Variants in DNAH5 observed in about 807,000 individuals in gnomAD.
DNAH5 encodes the protein axonemal beta dynein heavy chain 5.
DNAH5 carries 372 observed loss-of-function variants against 518.2 expected under a neutral mutation model. That is an observed-to-expected ratio of 0.72 (90% CI 0.66 to 0.78). DNAH5 has a LOEUF of 0.78. Ranked by LOEUF, DNAH5 falls within the 30% of genes least tolerant of loss-of-function variation. The probability of loss-of-function intolerance (pLI) is 0.00; values close to 1 mark genes in which losing one functional copy is unlikely to be tolerated. For missense variants in DNAH5, 5,523 were observed against 5,687.0 expected, an observed-to-expected ratio of 0.97 and a Z score of 0.93; for synonymous variants, 2,039 against 2,025.9, an observed-to-expected ratio of 1.01 and a Z score of -0.17.
intron 12 of DNAH5, among the ~76,000 whole-genome samples, chr5:13,907,122 C>A (rs767292247): frequency 3.3e-5 from 5 of 152,176 alleles, no homozygotes; most frequent in Non-Finnish European, 5.9e-5. Flanking sequence ...CCGAGAGCAT[C>A]TGTCAAATTA....
intron 30 of DNAH5, among the ~76,000 whole-genome samples, chr5:13,853,176 A>G (rs1164411496): frequency 6.6e-6 from 1 of 152,218 alleles, no homozygotes; most frequent in Non-Finnish European, 1.5e-5. Context: ...AGGAAGGAGC[A>G]GGCAGCAATC....
At chr5:13,781,371 G>A (rs1910092) in intron 52 of DNAH5, among the ~76,000 whole-genome samples, 24,385 of 152,108 alleles carry the variant, frequency 0.16, 2,574 homozygotes, top group African/African-American at 0.3. Context: ...GGGCATCGTC[G>A]TTGATGAGAA....
At chr5:13,809,305 A>G (rs1378555262) in intron 45 of DNAH5, 119 bp from the exon 46 acceptor site, 2 of 1,239,408 alleles carry the variant, frequency 1.6e-6, no homozygotes, top group Admixed American at 3.5e-5. Context: ...TAAAATGAAG[A>G]TCATTAAAAT....
At chr5:13,861,103 TA>T (rs1161141643) in intron 29 of DNAH5, among the ~76,000 whole-genome samples, 1 of 152,160 alleles carries the variant, frequency 6.6e-6, no homozygotes, top group African/African-American at 2.4e-5. Context: ...CTCCTCCCAA[TA>T]ACTCTATCTG....
rs576902470 is a variant in DNAH5 at position 13,784,709 on chromosome 5, C to T, written c.8820+1470G>A. On this transcript the variant is annotated intron_variant, in intron 52 of 78. Transcript: ENST00000265104. ...GAACCTAAATCATGGAAGACAGTGT[C>T]GAATCATTTTCTTTCTAACTAAAAG... 6.6e-5 allele frequency among the ~76,000 whole-genome samples: 10 copies of T among 152,194 alleles called. No homozygotes were observed. In the South Asian group the frequency reaches 1.5e-3, roughly 22 times the overall value.
chr5:13,854,484 GCAT>G (rs1252805799), intron 30 of DNAH5, among the ~76,000 whole-genome samples: 1 of 152,230 alleles, frequency 6.6e-6, no homozygotes, highest in East Asian at 1.9e-4. Context: ...TAACCAGCTA[GCAT>G]CATAATGACA....
At chr5:13,863,668 T>C (rs971060464) in intron 28 of DNAH5, among the ~76,000 whole-genome samples, 4 of 152,196 alleles carry the variant, frequency 2.6e-5, no homozygotes, top group Non-Finnish European at 4.4e-5. Flanking sequence ...GAGCTACTCT[T>C]AGAAACTCTC....
chr5:13,710,050 C>T (rs1033266341), intron 75 of DNAH5, among the ~76,000 whole-genome samples: 4 of 152,082 alleles, frequency 2.6e-5, no homozygotes, highest in East Asian at 1.9e-4. Context: ...AGAACCCTCA[C>T]GGAGTCCATT....
At chr5:13,902,255 C>T (rs1434681737) in intron 12 of DNAH5, 117 bp from the exon 13 acceptor site, 14 of 737,142 alleles carry the variant, frequency 1.9e-5, no homozygotes, top group Admixed American at 8.0e-5. Flanking sequence ...AAAATGTAAC[C>T]GAAAATTGAA....
intron 9 of DNAH5, among the ~76,000 whole-genome samples, chr5:13,915,920 A>C (rs527779968): frequency 6.6e-6 from 1 of 152,226 alleles, no homozygotes; most frequent in African/African-American, 2.4e-5. Context: ...TATTACCATG[A>C]TTACTGTTCT....
chr5:13,700,514 A>C, intron 78 of DNAH5, 126 bp downstream of exon 78: 1 of 904,878 alleles, frequency 1.1e-6, no homozygotes, highest in East Asian at 2.5e-5. Flanking sequence ...ATGGGTGTGA[A>C]TGTAAAGCTA....
intron 47 of DNAH5, 80 bp downstream of exon 47, chr5:13,807,511 T>A (rs1759805415): frequency 7.3e-7 from 1 of 1,371,198 alleles, no homozygotes; most frequent in East Asian, 2.4e-5. Context: ...GAGATTCAAT[T>A]GAAGCAGAAT....
rs144710424 is a variant in DNAH5 at position 14,000,328 on chromosome 5, G to A, written c.12+11320C>T. ...CCGCCAGGAGCTGGGAGCAAGGCCCGGAAAAAGCCTTCGGAGTGAGCACGG... is the reference window on the plus strand; with the variant it reads ...CCGCCAGGAGCTGGGAGCAAGGCCCAGAAAAAGCCTTCGGAGTGAGCACGG... On this transcript the variant is annotated intron_variant, in intron 1 of 78. Transcript: ENST00000681290. Among the ~76,000 whole-genome samples the A allele has an allele frequency of 9.5e-4, 145 of 152,322 alleles. 1 individual carries two copies. Among genetic ancestry groups the A allele is most frequent in the African/African-American group, 3.1e-3 (130 of 41,576 alleles).
intron 1 of DNAH5, among the ~76,000 whole-genome samples, chr5:13,934,694 TGA>T (rs905675622): frequency 2.0e-5 from 3 of 152,150 alleles, no homozygotes; most frequent in African/African-American, 7.2e-5. Flanking sequence ...TCAGAGCAAT[TGA>T]AAGGTTATTG....
intron 11 of DNAH5, among the ~76,000 whole-genome samples, chr5:13,911,870 C>T (rs962812273): frequency 6.6e-6 from 1 of 152,048 alleles, no homozygotes; most frequent in African/African-American, 2.4e-5. Flanking sequence ...TAGTTTAAAT[C>T]TTCTCAGAAA....
chr5:13,823,422 A>G, intron 39 of DNAH5, 52 bp from the exon 40 acceptor site: 1 of 1,209,618 alleles, frequency 8.3e-7, no homozygotes, highest in Non-Finnish European at 1.2e-6. Context: ...TAAACATATC[A>G]ATATGCAGAT....
intron 47 of DNAH5, among the ~76,000 whole-genome samples, chr5:13,800,938 TTACTC>T (rs1271698655): frequency 1.3e-5 from 2 of 152,218 alleles, no homozygotes; most frequent in Non-Finnish European, 2.9e-5. Context: ...TTTCCTTACT[TTACTC>T]ATTATTTCAT....
At chr5:13,740,186 T>C (rs1368285859) in intron 65 of DNAH5, among the ~76,000 whole-genome samples, 1 of 152,108 alleles carries the variant, frequency 6.6e-6, no homozygotes, top group Non-Finnish European at 1.5e-5. Flanking sequence ...ATTCAGAATC[T>C]AATCATTTCT....
chr5:13,804,539 T>C (rs1489077578), intron 47 of DNAH5, among the ~76,000 whole-genome samples: 3 of 152,224 alleles, frequency 2.0e-5, no homozygotes, highest in Non-Finnish European at 4.4e-5. Flanking sequence ...TTACAACAGT[T>C]TGGCTAATTG....
Sources: gnomAD v4.1 joint callset for allele counts (sites outside exome capture counted in the v4.1 genomes callset) on GRCh38, gnomAD v4.1.1 for gene constraint, MANE v1.5 for transcripts, NCBI Gene and HGNC (gene_info 2026-07-23, HGNC 2026-07-21) for gene names.